The following DOCK4 variants were observed in gnomAD, a reference collection of about 807,000 sequenced individuals.
DOCK4 encodes the protein dedicator of cytokinesis protein 4.
Under a neutral mutation model 268.1 loss-of-function variants are expected in DOCK4, and 97 were observed. The observed-to-expected ratio is 0.36, with a 90% CI of 0.31 to 0.43. The LOEUF (loss-of-function observed/expected upper bound fraction) is 0.43. Among genes scored for constraint, DOCK4 ranks in the 20% least tolerant of loss-of-function variants. The pLI is 1.00. For missense variants in DOCK4, 2,145 were observed against 2,455.7 expected, an observed-to-expected ratio of 0.87 and a Z score of 2.67; for synonymous variants, 954 against 887.2, an observed-to-expected ratio of 1.08 and a Z score of -1.34.
chr7:112,067,473 G>T (rs767043710), intron 1 of DOCK4, among the ~76,000 whole-genome samples: 1 of 152,042 alleles, frequency 6.6e-6, no homozygotes, highest in East Asian at 1.9e-4. Flanking sequence ...AAGAAGGTAC[G>T]ACTTCAGCTA....
At chr7:111,869,352 A>C (rs2134221410) in intron 21 of DOCK4, 3 of 489,834 alleles carry the variant, frequency 6.1e-6, no homozygotes, top group Non-Finnish European at 7.6e-6. Flanking sequence ...AGCCCAGAGG[A>C]ACAAGGATTC....
intron 50 of DOCK4, 150 bp from the exon 51 acceptor site, chr7:111,735,317 T>A (rs2133390344): frequency 3.4e-6 from 2 of 584,292 alleles, no homozygotes; most frequent in East Asian, 5.8e-5. Flanking sequence ...AAACCTTTAT[T>A]TAATTGGCTG....
intron 1 of DOCK4, among the ~76,000 whole-genome samples, chr7:112,139,614 T>C (rs1218434287): frequency 6.6e-6 from 1 of 152,214 alleles, no homozygotes; most frequent in Non-Finnish European, 1.5e-5. Flanking sequence ...GGCAGCCTGA[T>C]ACTTCTGTAG....
intron 12 of DOCK4, among the ~76,000 whole-genome samples, chr7:111,925,667 A>G (rs1347625506): frequency 1.3e-5 from 2 of 152,186 alleles, no homozygotes; most frequent in East Asian, 3.8e-4. Context: ...TACCCAAATT[A>G]CAGCTGTCCT....
intron 1 of DOCK4, among the ~76,000 whole-genome samples, chr7:112,067,864 C>T (rs1215984118): frequency 6.6e-6 from 1 of 152,212 alleles, no homozygotes; most frequent in African/African-American, 2.4e-5. Context: ...CAAACCCTGG[C>T]TGTTTGTTGC....
In DOCK4 at chr7:112,066,695, A is replaced by ATGTATGTATGTATGTGTGTG. The variant is rs1563052170; in HGVS notation, c.38-62565_38-62564insCACACACATACATACATACA. 1.0e-2 allele frequency among the ~76,000 whole-genome samples: 117 copies of ATGTATGTATGTATGTGTGTG among 11,718 alleles called. 5 individuals are homozygous for ATGTATGTATGTATGTGTGTG. Among genetic ancestry groups the ATGTATGTATGTATGTGTGTG allele is most frequent in the African/African-American group, 0.021 (109 of 5,250 alleles). 7.7% of individuals were successfully genotyped at this position (11,718 alleles called of 152,430 possible). A position where few individuals can be genotyped will look rare whatever the true frequency, so the allele number is the denominator to read the frequency against. ...CATATACATATATACATATACATAT[A>ATGTATGTATGTATGTGTGTG]TATATATATATATATATATATATAT... On this transcript the variant is annotated intron_variant, in intron 1 of 52. Transcript: ENST00000428084.
chr7:112,042,281 T>C (rs1804448105), intron 1 of DOCK4, among the ~76,000 whole-genome samples: 1 of 152,228 alleles, frequency 6.6e-6, no homozygotes, highest in Non-Finnish European at 1.5e-5. Context: ...GACATCATTG[T>C]AGTCCAGAGG....
At chr7:111,845,323 C>T (rs181542396) in intron 24 of DOCK4, among the ~76,000 whole-genome samples, 109 of 152,136 alleles carry the variant, frequency 7.2e-4, no homozygotes, top group Middle Eastern at 3.4e-3. Context: ...AGTCATTTTC[C>T]GAAACTTTAA....
At chr7:111,927,726 C>T (rs571874474) in intron 12 of DOCK4, among the ~76,000 whole-genome samples, 1 of 152,146 alleles carries the variant, frequency 6.6e-6, no homozygotes, top group Admixed American at 6.5e-5. Context: ...GGGCTGCAAA[C>T]CATTTAAAAA....
intron 1 of DOCK4, among the ~76,000 whole-genome samples, chr7:112,066,592 A>ACGTG (rs1563051420): frequency 9.3e-6 from 1 of 107,662 alleles, no homozygotes; most frequent in African/African-American, 6.4e-5. Context: ...ATATATACAC[A>ACGTG]TATACATATA....
At chr7:112,031,806 G>A (rs541647834) in intron 1 of DOCK4, among the ~76,000 whole-genome samples, 1 of 152,258 alleles carries the variant, frequency 6.6e-6, no homozygotes, top group African/African-American at 2.4e-5. Context: ...GAGAGATGCT[G>A]ACAAACCAGA....
chr7:112,105,563 C>CAA (rs1176946117), intron 1 of DOCK4, among the ~76,000 whole-genome samples: 1 of 95,212 alleles, frequency 1.1e-5, no homozygotes, highest in African/African-American at 5.8e-5. Context: ...CTAAAGACAA[C>CAA]AAATCTAAAA....
At chr7:112,018,179 A>AAAAAAAAAAAACCAC in intron 1 of DOCK4, among the ~76,000 whole-genome samples, 1 of 72,590 alleles carries the variant, frequency 1.4e-5, no homozygotes, top group Non-Finnish European at 2.9e-5. Context: ...AAAAAAAAAA[A>AAAAAAAAAAAACCAC]ACACAGGCAA....
At chr7:111,851,217 G>T (rs922751771) in intron 23 of DOCK4, among the ~76,000 whole-genome samples, 2 of 152,104 alleles carry the variant, frequency 1.3e-5, no homozygotes, top group African/African-American at 4.8e-5. Context: ...GGCTGAGACG[G>T]GTGGATCACG....
chr7:111,766,997 C>A, intron 38 of DOCK4, 35 bp downstream of exon 38: 1 of 1,531,942 alleles, frequency 6.5e-7, no homozygotes, highest in African/African-American at 1.4e-5. Context: ...CAAAGGGAGG[C>A]TATGGCCTGA....
At chr7:112,034,931 A>G (rs11486987) in intron 1 of DOCK4, among the ~76,000 whole-genome samples, 6,113 of 152,170 alleles carry the variant, frequency 0.04, 396 homozygotes, top group African/African-American at 0.13. Context: ...AAAAAAAACA[A>G]CTTAAAGGAG....
intron 13 of DOCK4, among the ~76,000 whole-genome samples, chr7:111,913,149 G>T (rs955259606): frequency 1.4e-4 from 21 of 151,772 alleles, no homozygotes; most frequent in African/African-American, 4.6e-4. Context: ...ATTTTTAGTA[G>T]AGACGGGGTT....
At chr7:111,741,292 C>T in intron 46 of DOCK4, 78 bp from the exon 47 acceptor site, 1 of 1,557,026 alleles carries the variant, frequency 6.4e-7, no homozygotes, top group Non-Finnish European at 8.7e-7. Flanking sequence ...GCTATGAAAC[C>T]AAAGGGGGGA....
At chr7:111,745,055 C>T (rs1057163425) in intron 44 of DOCK4, among the ~76,000 whole-genome samples, 1 of 152,168 alleles carries the variant, frequency 6.6e-6, no homozygotes, top group Non-Finnish European at 1.5e-5. Context: ...CTGTTTAACA[C>T]AGGCTTCCAA....
Sources: allele counts gnomAD v4.1 joint callset (sites outside exome capture counted in the v4.1 genomes callset), GRCh38; gene constraint gnomAD v4.1.1; transcripts MANE v1.5; gene names NCBI Gene and HGNC (gene_info 2026-07-23, HGNC 2026-07-21).